Variants in TMOD1 observed in about 807,000 individuals in gnomAD.
The protein encoded by TMOD1 is tropomodulin 1.
A neutral mutation model predicts 40.6 loss-of-function variants in TMOD1; 17 were observed. The ratio of observed to expected loss-of-function variants is 0.42; its 90% CI spans 0.29 to 0.63. TMOD1 has a LOEUF of 0.63. Among genes scored for constraint, TMOD1 ranks in the 20% least tolerant of loss-of-function variants. TMOD1 has a pLI of 0.22. For synonymous variants in TMOD1, 181 were observed against 175.0 expected, an observed-to-expected ratio of 1.03 and a Z score of -0.27; for missense variants, 391 against 447.6, an observed-to-expected ratio of 0.87 and a Z score of 1.14.
At chr9:97,528,599 G>A (rs1389456813) in intron 2 of TMOD1, among the ~76,000 whole-genome samples, 2 of 152,234 alleles carry the variant, frequency 1.3e-5, no homozygotes, top group Non-Finnish European at 2.9e-5. Context: ...TTCTTTTGGA[G>A]AGCACAAACA....
intron 3 of TMOD1, among the ~76,000 whole-genome samples, chr9:97,547,622 T>A (rs1424174795): frequency 6.6e-6 from 1 of 152,214 alleles, no homozygotes; most frequent in Non-Finnish European, 1.5e-5. Context: ...AAGTATTAGT[T>A]GTTATTGTCC....
chr9:97,591,539 T>C lies in TMOD1; in HGVS notation c.1015+104T>C, dbSNP rs113065740. ...CTGTAGATGCCTCTCCGAGTCTTCT[T>C]GAGCCTTGATTTTCACATTGATCGC... On this transcript the variant is annotated intron_variant, in intron 9 of 9. Transcript: ENST00000259365. The C allele has an allele frequency of 1.1e-3, 1,488 of 1,350,852 alleles. 3 individuals are homozygous for C. Among genetic ancestry groups the C allele is most frequent in the Non-Finnish European group, 1.4e-3 (1,375 of 984,470 alleles). The allele number at this position is 1,350,852 out of a possible 1,614,324, so 83.7% of individuals were successfully genotyped here.
At chr9:97,507,774 G>T (rs536839056) in intron 1 of TMOD1, among the ~76,000 whole-genome samples, 4 of 152,260 alleles carry the variant, frequency 2.6e-5, no homozygotes, top group East Asian at 1.9e-4. Context: ...AGGGGAAAGG[G>T]GGGGACAAGA....
rs531113924 is a variant in TMOD1, at chr9:97,524,302, C to A, written c.114C>A (p.Asp38Glu). 6.2e-7 allele frequency: 1 copy of A among 1,613,904 alleles called. No homozygotes were observed. The stretch of plus-strand genomic sequence containing the variant: ...TGGAAAATGAGCTGGATGAGCTGGA[C>A]CCTGATGTGAGTAGGTGCTAAAGGG... The part of the protein sequence containing the change: ...RTLENELDEL[D>E]PDNALLPAGL... The change falls in exon 2 of 10, where the codon GAC (aspartate) becomes GAA (glutamate). Residue 38 changes from aspartate to glutamate, a missense_variant. By Grantham distance (45) the Asp-to-Glu change is conservative (BLOSUM62 2). Coordinates refer to ENST00000259365, the MANE Select transcript of TMOD1 (RefSeq NM_003275.4).
intron 4 of TMOD1, among the ~76,000 whole-genome samples, chr9:97,560,174 C>T (rs1358377420): frequency 1.3e-5 from 2 of 151,876 alleles, no homozygotes; most frequent in East Asian, 3.9e-4. Context: ...TGCTAAATAC[C>T]GTATTCAGGG....
chr9:97,502,013 C>G lies in TMOD1; in HGVS notation c.-49+210C>G, dbSNP rs993469675. ...CTCGGGGTTCCGAGCCCAGCGCTCC[C>G]GTCCCCGCCTCCCCGCGCGCGCAGC... On this transcript the variant is annotated intron_variant, in intron 1 of 9. Coordinates refer to ENST00000259365, the MANE Select transcript of TMOD1 (RefSeq NM_003275.4). The surrounding 1 kb of genome is among the most constrained non-coding windows in gnomAD (Gnocchi z 6.1). Among the ~76,000 whole-genome samples the G allele has an allele frequency of 1.3e-5, 2 of 152,118 alleles. No homozygotes were observed. The highest frequency in any genetic ancestry group is 1.3e-4 in the Admixed American group (2 of 15,280).
chr9:97,578,893 A>G (rs1197801641), intron 8 of TMOD1, among the ~76,000 whole-genome samples: 1 of 152,170 alleles, frequency 6.6e-6, no homozygotes, highest in Non-Finnish European at 1.5e-5. Flanking sequence ...ATTTGCAGCA[A>G]GAGACCTCAA....
chr9:97,574,283 G>A (rs1830876584), intron 8 of TMOD1, among the ~76,000 whole-genome samples: 1 of 152,026 alleles, frequency 6.6e-6, no homozygotes, highest in Non-Finnish European at 1.5e-5. Context: ...GTTCCGGGTG[G>A]GCGTGCTCTC....
At chr9:97,579,260 C>T (rs1181570431) in intron 8 of TMOD1, among the ~76,000 whole-genome samples, 1 of 152,186 alleles carries the variant, frequency 6.6e-6, no homozygotes, top group Non-Finnish European at 1.5e-5. Flanking sequence ...GCCTCTATCC[C>T]TCCCAAGCAT....
rs1008199713 is a variant in TMOD1 at position 97,557,613 on chromosome 9, A to G, written c.397+4213A>G. Reference sequence around the variant, plus strand: ...TCTTATCCAGGAGCAGCTCAACTGCATCCAAGTCCTGGGCTGGAGCCAGTT... The same window carrying G: ...TCTTATCCAGGAGCAGCTCAACTGCGTCCAAGTCCTGGGCTGGAGCCAGTT... On this transcript the variant is annotated intron_variant, in intron 4 of 9. Coordinates refer to ENST00000259365, the MANE Select transcript of TMOD1 (RefSeq NM_003275.4). The surrounding 1 kb of genome is among the most constrained non-coding windows in gnomAD (Gnocchi z 4.4). Among the ~76,000 whole-genome samples the G allele has an allele frequency of 1.3e-5, 2 of 152,190 alleles. No individual in the cohort carries two copies. Among genetic ancestry groups the G allele is most frequent in the African/African-American group, 4.8e-5 (2 of 41,464 alleles).
rs1826225634 is a variant in TMOD1 at position 97,600,297 on chromosome 9, T to G, written c.*599T>G. The G allele has an allele frequency of 1.1e-5, 11 of 986,250 alleles. No homozygotes were observed. Among genetic ancestry groups the G allele is most frequent in the Non-Finnish European group, 1.2e-5 (10 of 830,230 alleles). 61.1% of individuals were successfully genotyped at this position (986,250 alleles called of 1,614,324 possible). A position where few individuals can be genotyped will look rare whatever the true frequency, so the allele number is the denominator to read the frequency against. On this transcript the variant is annotated 3_prime_UTR_variant, in exon 10 of 10. Coordinates refer to ENST00000259365, the MANE Select transcript of TMOD1 (RefSeq NM_003275.4). Reference sequence around the variant, plus strand: ...CCAGGAGTCAACATGAGATTCCTTTTGCTGGATATGCAGAAATGATAGGAA... The same window carrying G: ...CCAGGAGTCAACATGAGATTCCTTTGGCTGGATATGCAGAAATGATAGGAA...
intron 1 of TMOD1, among the ~76,000 whole-genome samples, chr9:97,506,122 G>A (rs909798799): frequency 2.6e-5 from 4 of 152,008 alleles, no homozygotes; most frequent in African/African-American, 4.8e-5. Context: ...CTGTTCTTTC[G>A]GCCTTCAGTG....
intron 8 of TMOD1, among the ~76,000 whole-genome samples, chr9:97,587,411 A>G (rs1256305241): frequency 3.9e-5 from 6 of 152,072 alleles, no homozygotes; most frequent in Admixed American, 6.5e-5. Context: ...TATTTTAGAG[A>G]TTTTGATAGG....
intron 4 of TMOD1, among the ~76,000 whole-genome samples, chr9:97,560,498 T>C (rs548289502): frequency 5.3e-4 from 81 of 151,886 alleles, no homozygotes; most frequent in Non-Finnish European, 1.1e-3. Flanking sequence ...AAAAATCTGG[T>C]GTTGGCCGGG....
At chr9:97,531,458 A>C (rs2131230206) in intron 2 of TMOD1, among the ~76,000 whole-genome samples, 1 of 152,226 alleles carries the variant, frequency 6.6e-6, no homozygotes. Context: ...TTAAAATACA[A>C]AAATTAGCTA....
intron 1 of TMOD1, among the ~76,000 whole-genome samples, chr9:97,523,039 C>G (rs2131220763): frequency 6.6e-6 from 1 of 152,232 alleles, no homozygotes. Context: ...GGTCCTGAGT[C>G]AAGCCCTAGG....
intron 9 of TMOD1, among the ~76,000 whole-genome samples, chr9:97,599,317 T>C (rs1316784544): frequency 6.6e-6 from 1 of 152,206 alleles, no homozygotes; most frequent in Non-Finnish European, 1.5e-5. Flanking sequence ...AACTCTTATC[T>C]GAACACCGGA....
At chr9:97,599,554 C>CA in intron 9 of TMOD1, 80 bp from the exon 10 acceptor site, 1 of 1,583,714 alleles carries the variant, frequency 6.3e-7, no homozygotes, top group Non-Finnish European at 8.7e-7. Context: ...TGCGAGGTTT[C>CA]ACAGTGCTTT....
At chr9:97,532,700 T>G (rs1484374465) in intron 2 of TMOD1, among the ~76,000 whole-genome samples, 1 of 152,116 alleles carries the variant, frequency 6.6e-6, no homozygotes, top group Non-Finnish European at 1.5e-5. Context: ...TCTGCCACTC[T>G]ACTGAGCGCT....
Sources: gnomAD v4.1 joint callset for allele counts (sites outside exome capture counted in the v4.1 genomes callset) on GRCh38, gnomAD v4.1.1 for gene constraint, Gnocchi (gnomAD v3.1) non-coding constraint, MANE v1.5 for transcripts, NCBI Gene and HGNC (gene_info 2026-07-23, HGNC 2026-07-21) for gene names.